Variants in CNTNAP2 observed in about 807,000 individuals in gnomAD.
CNTNAP2 encodes contactin associated protein 2, also known as contactin-associated protein-like 2.
CNTNAP2 carries 98 observed loss-of-function variants against 155.2 expected under a neutral mutation model. The observed-to-expected ratio is 0.63, with a 90% CI of 0.54 to 0.75. The LOEUF (loss-of-function observed/expected upper bound fraction) is 0.75, where lower values mean the gene tolerates loss of function less well. Among genes scored for constraint, CNTNAP2 ranks in the 30% least tolerant of loss-of-function variants. CNTNAP2 has a pLI of 0.00. For missense variants in CNTNAP2, 1,727 were observed against 1,688.1 expected, an observed-to-expected ratio of 1.02 and a Z score of -0.40; for synonymous variants, 651 against 631.2, an observed-to-expected ratio of 1.03 and a Z score of -0.47.
intron 1 of CNTNAP2, among the ~76,000 whole-genome samples, chr7:146,460,905 G>C (rs1383184138): frequency 6.6e-6 from 1 of 152,130 alleles, no homozygotes; most frequent in Non-Finnish European, 1.5e-5. Context: ...CTATTGTACT[G>C]CATGGTAACT....
chr7:147,580,300 G>A (rs564710755), intron 12 of CNTNAP2, among the ~76,000 whole-genome samples: 12 of 152,218 alleles, frequency 7.9e-5, no homozygotes, highest in South Asian at 2.1e-4. Context: ...CAACCCTGCC[G>A]TCCCTGGCCT....
At chr7:146,783,927 C>G (rs1236004482) in intron 2 of CNTNAP2, among the ~76,000 whole-genome samples, 1 of 152,164 alleles carries the variant, frequency 6.6e-6, no homozygotes, top group Non-Finnish European at 1.5e-5. Context: ...TTTAGCTAAA[C>G]ATTGTGCGGA....
At chr7:148,314,034 G>T (rs369675640) in intron 21 of CNTNAP2, among the ~76,000 whole-genome samples, 1 of 152,060 alleles carries the variant, frequency 6.6e-6, no homozygotes, top group Non-Finnish European at 1.5e-5. Context: ...ACTGTAAGCC[G>T]GACTGGGTGT....
At chr7:146,776,528 A>T (rs1802393058) in intron 2 of CNTNAP2, among the ~76,000 whole-genome samples, 1 of 152,202 alleles carries the variant, frequency 6.6e-6, no homozygotes, top group Non-Finnish European at 1.5e-5. Flanking sequence ...TAGGAGCTAT[A>T]GTTGTAGGAG....
At chr7:147,672,633 T>G (rs1372007869) in intron 13 of CNTNAP2, 1 of 152,152 alleles carries the variant, frequency 6.6e-6, no homozygotes, top group East Asian at 1.9e-4. Flanking sequence ...ATTTCTCTGT[T>G]GAAATATAGG....
intron 1 of CNTNAP2, among the ~76,000 whole-genome samples, chr7:146,688,547 T>C (rs1197878137): frequency 1.3e-5 from 2 of 152,068 alleles, no homozygotes; most frequent in African/African-American, 4.8e-5. Context: ...GGTCACAAGG[T>C]GCTCCTGAGA....
chr7:147,791,376 A>T (rs1797815556), intron 13 of CNTNAP2, among the ~76,000 whole-genome samples: 1 of 149,166 alleles, frequency 6.7e-6, no homozygotes, highest in Non-Finnish European at 1.5e-5. Context: ...ATAGTCATAC[A>T]TTTTATCTGA....
At chr7:148,107,333 C>G (rs1339369447) in intron 15 of CNTNAP2, among the ~76,000 whole-genome samples, 1 of 152,178 alleles carries the variant, frequency 6.6e-6, no homozygotes, top group African/African-American at 2.4e-5. Flanking sequence ...CATCCCCATT[C>G]TAGCCCAAAG....
chr7:147,844,858 G>A lies in CNTNAP2; in HGVS notation c.2099-58707G>A, dbSNP rs1276722083. Among the ~76,000 whole-genome samples, 348 of 109,154 alleles carry A rather than the reference G, an allele frequency of 3.2e-3. 1 individual carries two copies. The highest frequency in any genetic ancestry group is 0.011 in the African/African-American group (329 of 29,162). 71.6% of individuals were successfully genotyped at this position (109,154 alleles called of 152,430 possible). Reference sequence around the variant, plus strand: ...TCTGCATCTATTGAGATAATCATGTGGTTTTTGTCTTTGGCTCTGTTTATA... The same window carrying A: ...TCTGCATCTATTGAGATAATCATGTAGTTTTTGTCTTTGGCTCTGTTTATA... On this transcript the variant is annotated intron_variant, in intron 13 of 23. Transcript: ENST00000361727.
intron 8 of CNTNAP2, among the ~76,000 whole-genome samples, chr7:147,138,604 A>C: frequency 6.6e-6 from 1 of 151,866 alleles, no homozygotes. Context: ...GCTGGTGCAC[A>C]TTTTTCATCA....
intron 10 of CNTNAP2, among the ~76,000 whole-genome samples, chr7:147,466,441 G>A (rs1052946933): frequency 6.6e-6 from 1 of 152,128 alleles, no homozygotes; most frequent in African/African-American, 2.4e-5. Context: ...GGGGAAAAGG[G>A]GTTCTGGTTT....
In CNTNAP2 at chr7:147,189,542, A is replaced by C. The variant is rs140743018; in HGVS notation, c.1348+57033A>C. On this transcript the variant is annotated intron_variant, in intron 8 of 23. Transcript: ENST00000361727. ...TAAATGGTGATTTGTACTAACATTAATATATTGTTTATATATAAATAACTC... is the reference window on the plus strand; with the variant it reads ...TAAATGGTGATTTGTACTAACATTACTATATTGTTTATATATAAATAACTC... 8.4e-3 allele frequency among the ~76,000 whole-genome samples: 1,284 copies of C among 152,296 alleles called. 70 individuals carry two copies. The highest frequency in any genetic ancestry group is 0.067 in the Admixed American group (1,025 of 15,296).
chr7:146,118,010 A>G (rs1468205593), intron 1 of CNTNAP2, among the ~76,000 whole-genome samples: 1 of 152,216 alleles, frequency 6.6e-6, no homozygotes, highest in Non-Finnish European at 1.5e-5. Context: ...AAAGTTTAAT[A>G]TTTTCCAGAA....
chr7:146,769,638 A>C (rs1388271128), intron 1 of CNTNAP2, among the ~76,000 whole-genome samples: 1 of 152,146 alleles, frequency 6.6e-6, no homozygotes, highest in Non-Finnish European at 1.5e-5. Context: ...TCTATTCATT[A>C]ATTATATGGC....
chr7:146,358,447 T>C (rs1028424500), intron 1 of CNTNAP2, among the ~76,000 whole-genome samples: 1 of 152,206 alleles, frequency 6.6e-6, no homozygotes, highest in Non-Finnish European at 1.5e-5. Flanking sequence ...CTGTAGACTT[T>C]AGTCTATAGT....
chr7:147,533,798 C>T (rs1250059297), intron 11 of CNTNAP2, among the ~76,000 whole-genome samples: 1 of 151,938 alleles, frequency 6.6e-6, no homozygotes, highest in Non-Finnish European at 1.5e-5. Context: ...TTTAACTATA[C>T]TCACAATCAT....
intron 13 of CNTNAP2, among the ~76,000 whole-genome samples, chr7:147,654,808 C>CTTTTTTTTTTTTTTTTTTTTTTT (rs1186575442): frequency 1.0e-5 from 1 of 97,342 alleles, no homozygotes; most frequent in Non-Finnish European, 1.9e-5. Context: ...AAATATATTT[C>CTTTTTTTTTTTTTTTTTTTTTTT]TTTTTTTTTT....
At chr7:148,120,526 C>T (rs1804575539) in intron 16 of CNTNAP2, among the ~76,000 whole-genome samples, 1 of 152,068 alleles carries the variant, frequency 6.6e-6, no homozygotes, top group African/African-American at 2.4e-5. Context: ...CTTGACCTCC[C>T]AAAGTGCTGG....
intron 10 of CNTNAP2, among the ~76,000 whole-genome samples, chr7:147,463,892 C>G (rs10251234): frequency 0.78 from 117,038 of 149,674 alleles, 46,060 homozygotes; most frequent in African/African-American, 0.88. Flanking sequence ...AACTTCATTT[C>G]AGTTTCTTCA....
Sources: gnomAD v4.1 joint callset for allele counts (sites outside exome capture counted in the v4.1 genomes callset) on GRCh38, gnomAD v4.1.1 for gene constraint, MANE v1.5 for transcripts, NCBI Gene and HGNC (gene_info 2026-07-23, HGNC 2026-07-21) for gene names.